The following G6PC1 variants were observed in gnomAD, a reference collection of about 807,000 sequenced individuals.
G6PC1 encodes the protein glucose-6-phosphatase catalytic subunit 1.
G6PC1 carries 23 observed loss-of-function variants against 30.4 expected under a neutral mutation model. The observed-to-expected ratio is 0.76, with a 90% confidence interval of 0.55 to 1.07. G6PC1 has a LOEUF of 1.07. Ranked by LOEUF, G6PC1 falls within the 50% of genes least tolerant of loss-of-function variation. The probability of loss-of-function intolerance (pLI) is 0.00; values close to 1 mark genes in which losing one functional copy is unlikely to be tolerated. For synonymous variants in G6PC1, 163 were observed against 175.6 expected (o/e 0.93, Z 0.57); for missense variants, 391 against 433.9 (o/e 0.90, Z 0.88).
At chr17:42,903,856 C>T in intron 1 of G6PC1, 75 bp from the exon 2 acceptor site, 1 of 969,606 alleles carries the variant, frequency 1.0e-6, no homozygotes. Context: ...TCAGGCTACA[C>T]TCTTCTTGAA....
At chr17:42,910,874 A>G (rs370472759) in intron 4 of G6PC1, 41 bp from the exon 5 acceptor site, 101 of 1,608,374 alleles carry the variant, frequency 6.3e-5, no homozygotes, top group Non-Finnish European at 7.8e-5. Flanking sequence ...AAAGGTCCCA[A>G]ATCCTTCCTA....
chr17:42,902,155 T>G (rs2056030158), intron 1 of G6PC1, among the ~76,000 whole-genome samples: 1 of 151,310 alleles, frequency 6.6e-6, no homozygotes, highest in Non-Finnish European at 1.5e-5. Flanking sequence ...GCTGATAAAC[T>G]GACTCTCTGG....
chr17:42,907,393 G>A (rs1257260150), intron 2 of G6PC1, 130 bp from the exon 3 acceptor site: 34 of 696,012 alleles, frequency 4.9e-5, no homozygotes, highest in Non-Finnish European at 4.2e-5. Context: ...ACGGATGGAT[G>A]GGGGGTGAAT....
chr17:42,903,835 T>C, intron 1 of G6PC1, 96 bp from the exon 2 acceptor site: 2 of 850,790 alleles, frequency 2.4e-6, no homozygotes, highest in Non-Finnish European at 2.0e-6. Context: ...AGGCAACATG[T>C]GAAATCCTTC....
In G6PC1 at chr17:42,901,118, A is replaced by G; in HGVS notation, c.230+12A>G. The G allele has an allele frequency of 6.2e-7, 1 of 1,600,222 alleles. No homozygotes were observed. Among genetic ancestry groups the G allele is most frequent in the Non-Finnish European group, 8.6e-7 (1 of 1,167,268 alleles). On this transcript the variant is annotated intron_variant, in intron 1 of 4. Transcript: ENST00000253801. ...CTCGTCTTTAAGTGGTAAGAACCAT[A>G]TAGAGAGGAGATCAGCAAGAAAAGA... is the stretch of plus-strand genomic sequence containing the variant.
chr17:42,911,314 T>A lies in G6PC1; in HGVS notation c.962T>A (p.Val321Asp). The A allele has an allele frequency of 6.2e-7, 1 of 1,614,186 alleles. No individual in the cohort carries two copies. Among genetic ancestry groups the A allele is most frequent in the South Asian group, 1.1e-5 (1 of 91,076 alleles). Residue 321 changes from valine (V) to aspartate (D), a missense_variant, in exon 5 of 5, where the codon GTC (valine) becomes GAC (aspartate). By Grantham distance (152) the Val-to-Asp change is radical. Transcript: ENST00000253801. ...SLKPPSQVEL[V>D]FYVLSFCKSA... ...AAACCCCCATCCCAAGTCGAGCTGG[T>A]CTTCTACGTCTTGTCCTTCTGCAAG...
Position 42,912,252 on chromosome 17 carries a change from C to T in G6PC1, c.*826C>T, listed in dbSNP as rs981937619. 6.6e-6 allele frequency: 1 copy of T among 152,256 alleles called. No individual in the cohort carries two copies. Among genetic ancestry groups the T allele is most frequent in the African/African-American group, 2.4e-5 (1 of 41,438 alleles). 9.4% of individuals were successfully genotyped at this position (152,256 alleles called of 1,614,324 possible). A position where few individuals can be genotyped will look rare whatever the true frequency, so the allele number is the denominator to read the frequency against. ...TCTAGTATTTTTTTTACTGTGCATA[C>T]ATGTTCATCGTATTTCCTTGGATTT... On this transcript the variant is annotated 3_prime_UTR_variant, in exon 5 of 5. Coordinates refer to ENST00000253801, the MANE Select transcript of G6PC1 (RefSeq NM_000151.4).
At chr17:42,906,774 G>T (rs2056064549) in intron 2 of G6PC1, among the ~76,000 whole-genome samples, 2 of 152,162 alleles carry the variant, frequency 1.3e-5, no homozygotes, top group African/African-American at 4.8e-5. Flanking sequence ...CAGCTACTCA[G>T]GGGGCTGAGG....
In G6PC1 at chr17:42,900,823, G is replaced by A. The variant is rs1278856746; in HGVS notation, c.-54G>A. On this transcript the variant is annotated 5_prime_UTR_variant, in exon 1 of 5. Coordinates refer to ENST00000253801, the MANE Select transcript of G6PC1 (RefSeq NM_000151.4). Reference sequence around the variant, plus strand: ...TAGCAGAGCAATCACCACCAAGCCTGGAATAACTGCAAGGGCTCTGCTGAC... The same window carrying A: ...TAGCAGAGCAATCACCACCAAGCCTAGAATAACTGCAAGGGCTCTGCTGAC... The A allele has an allele frequency of 6.9e-7, 1 of 1,457,514 alleles. No homozygotes were observed. Among genetic ancestry groups the A allele is most frequent in the Non-Finnish European group, 9.6e-7 (1 of 1,041,404 alleles). 90.3% of individuals were successfully genotyped at this position (1,457,514 alleles called of 1,614,324 possible).
intron 4 of G6PC1, 21 bp downstream of exon 4, chr17:42,909,439 C>G (rs777271010): frequency 1.9e-6 from 3 of 1,542,950 alleles, no homozygotes; most frequent in Middle Eastern, 1.7e-4. Context: ...ATCTGACTCC[C>G]TTCCTTCTCC....
At chr17:42,907,318 T>C (rs1431235673) in intron 2 of G6PC1, among the ~76,000 whole-genome samples, 2 of 151,522 alleles carry the variant, frequency 1.3e-5, no homozygotes, top group African/African-American at 2.4e-5. Flanking sequence ...GAGATGGAAA[T>C]TTGTTAAATA....
At chr17:42,909,586 A>T (rs1005409655) in intron 4 of G6PC1, among the ~76,000 whole-genome samples, 168 bp downstream of exon 4, 1 of 152,230 alleles carries the variant, frequency 6.6e-6, no homozygotes, top group Non-Finnish European at 1.5e-5. Flanking sequence ...ATTAATTTCT[A>T]TAAGAGTGCC....
At chr17:42,906,250 A>C (rs1367475931) in intron 2 of G6PC1, among the ~76,000 whole-genome samples, 1 of 152,020 alleles carries the variant, frequency 6.6e-6, no homozygotes, top group Non-Finnish European at 1.5e-5. Context: ...ACTCTGGGGA[A>C]CTATACTTGT....
chr17:42,911,015 C>A lies in G6PC1; in HGVS notation c.663C>A (p.Ile221=), dbSNP rs747134498. The change falls in exon 5 of 5, where the codon ATC becomes ATA. Residue 221 remains isoleucine, a synonymous_variant. Transcript: ENST00000253801. ...CCTTCTTCCTGTTCAGCTTCGCCAT[C>A]GGATTTTATCTGCTGCTCAAGGGAC... ...LITFFLFSFA[I]GFYLLLKGLG... 2.5e-6 allele frequency: 4 copies of A among 1,614,210 alleles called. No individual in the cohort carries two copies. In the South Asian group the frequency reaches 3.3e-5, roughly 13 times the overall value.
intron 4 of G6PC1, 56 bp downstream of exon 4, chr17:42,909,474 C>A: frequency 7.8e-7 from 1 of 1,280,456 alleles, no homozygotes; most frequent in Non-Finnish European, 1.1e-6. Context: ...CGTTTCTCTC[C>A]CTAATCAGGA....
chr17:42,905,415 GAAAA>G (rs1241281428), intron 2 of G6PC1, among the ~76,000 whole-genome samples: 11 of 48,924 alleles, frequency 2.2e-4, no homozygotes, highest in African/African-American at 6.1e-4. Flanking sequence ...GACACCATCT[GAAAA>G]AAAAAAAAAA....
Position 42,900,978 on chromosome 17 carries a change from C to T in G6PC1, c.102C>T (p.Ser34=), listed in dbSNP as rs747426958. The change falls in exon 1 of 5, where the codon TCC becomes TCT. Residue 34 remains serine, a synonymous_variant. Coordinates refer to ENST00000253801, the MANE Select transcript of G6PC1 (RefSeq NM_000151.4). ...CCCAGGACTGGTTCATCTTGGTGTC[C>T]GTGATCGCAGACCTCAGGAATGCCT... The part of the protein sequence containing the change: ...QDSQDWFILV[S]VIADLRNAFY... The T allele has an allele frequency of 1.1e-5, 17 of 1,614,040 alleles. No homozygotes were observed. The highest frequency in any genetic ancestry group is 6.7e-5 in the African/African-American group (5 of 74,918).
intron 3 of G6PC1, among the ~76,000 whole-genome samples, chr17:42,908,258 A>T (rs2056073916): frequency 6.6e-6 from 1 of 152,042 alleles, no homozygotes; most frequent in South Asian, 2.1e-4. Flanking sequence ...GCTGGTCTTG[A>T]TCTCAAGCAA....
intron 2 of G6PC1, among the ~76,000 whole-genome samples, chr17:42,905,466 AC>A (rs2056055242): frequency 6.9e-6 from 1 of 145,274 alleles, no homozygotes; most frequent in African/African-American, 2.6e-5. Flanking sequence ...ACACACACAC[AC>A]ACACACACAT....
Sources: allele counts gnomAD v4.1 joint callset (sites outside exome capture counted in the v4.1 genomes callset), GRCh38; gene constraint gnomAD v4.1.1; transcripts MANE v1.5; gene names NCBI Gene and HGNC (gene_info 2026-07-23, HGNC 2026-07-21).